Variants in IL6ST observed in about 807,000 individuals in gnomAD.
The protein encoded by IL6ST is interleukin 6 cytokine family signal transducer.
Under a neutral mutation model 91.3 loss-of-function variants are expected in IL6ST, and 24 were observed. That is an observed-to-expected ratio of 0.26 (90% CI 0.19 to 0.37). The LOEUF (loss-of-function observed/expected upper bound fraction) is 0.37. Among genes scored for constraint, IL6ST ranks in the 10% least tolerant of loss-of-function variants. IL6ST has a pLI of 1.00. For synonymous variants in IL6ST, 351 were observed against 373.6 expected, an observed-to-expected ratio of 0.94 and a Z score of 0.70; for missense variants, 914 against 1,078.5, an observed-to-expected ratio of 0.85 and a Z score of 2.14.
intron 11 of IL6ST, among the ~76,000 whole-genome samples, chr5:55,953,227 G>A (rs1751751407): frequency 6.6e-6 from 1 of 151,948 alleles, no homozygotes; most frequent in Non-Finnish European, 1.5e-5. Context: ...TACTCATGAA[G>A]TTACATGCTC....
At chr5:55,989,156 G>GAA (rs34291578) in intron 1 of IL6ST, among the ~76,000 whole-genome samples, 19 of 113,690 alleles carry the variant, frequency 1.7e-4, no homozygotes, top group Admixed American at 3.6e-4. Context: ...AAGTCTCGCA[G>GAA]AAAAAAAAAA....
chr5:55,960,661 T>A (rs1752257028), intron 7 of IL6ST, 100 bp from the exon 8 acceptor site: 2 of 1,141,696 alleles, frequency 1.8e-6, no homozygotes, highest in African/African-American at 3.1e-5. Flanking sequence ...ACAGCCTTGC[T>A]CTGTTGCCCA....
At chr5:55,967,671 A>G (rs904541551) in intron 5 of IL6ST, among the ~76,000 whole-genome samples, 4 of 152,106 alleles carry the variant, frequency 2.6e-5, no homozygotes, top group African/African-American at 9.7e-5. Context: ...GATGCCCGCG[A>G]TTCTCTCTTC....
intron 5 of IL6ST, 100 bp downstream of exon 5, chr5:55,968,176 T>C (rs745326692): frequency 1.1e-4 from 116 of 1,070,942 alleles, no homozygotes; most frequent in Non-Finnish European, 1.5e-4. Context: ...ATTAAATGTT[T>C]TAAAATAGCA....
chr5:55,961,477 G>A (rs1263795924), intron 7 of IL6ST, among the ~76,000 whole-genome samples: 4 of 152,274 alleles, frequency 2.6e-5, no homozygotes, highest in Non-Finnish European at 5.9e-5. Context: ...AAGACAGCCG[G>A]CTGGGTGCGG....
intron 14 of IL6ST, among the ~76,000 whole-genome samples, chr5:55,949,724 C>A (rs1197109895): frequency 6.6e-6 from 1 of 152,190 alleles, no homozygotes; most frequent in Admixed American, 6.5e-5. Context: ...CTGACCCTAA[C>A]AGCAAAGCTC....
chr5:55,990,379 A>G lies in IL6ST; in HGVS notation c.-104+4405T>C, dbSNP rs78899559. 1.7e-3 allele frequency among the ~76,000 whole-genome samples: 259 copies of G among 152,208 alleles called. 4 individuals are homozygous for G. In the East Asian group the frequency reaches 0.036, roughly 21 times the overall value. On this transcript the variant is annotated intron_variant, in intron 1 of 16. Transcript: ENST00000381298. ...CATTGTTGACCATCCCTGGTTCTTG[A>G]ATTTCTCCTATATCCTGGTTTCTAT...
At chr5:55,947,000 C>T (rs1296264077) in intron 15 of IL6ST, among the ~76,000 whole-genome samples, 6 of 152,038 alleles carry the variant, frequency 3.9e-5, no homozygotes, top group Non-Finnish European at 7.4e-5. Context: ...GTCAGGAGTT[C>T]GAGACCAGCC....
At chr5:55,944,151 T>C (rs551310738) in intron 15 of IL6ST, among the ~76,000 whole-genome samples, 60 of 152,278 alleles carry the variant, frequency 3.9e-4, no homozygotes, top group African/African-American at 1.4e-3. Flanking sequence ...AAAGACTAAA[T>C]ACTTTCACCT....
In IL6ST at chr5:55,986,040, T is replaced by C. The variant is rs562025701; in HGVS notation, c.-103-3229A>G. ...TACCACCACACTGTCGTGATGACTT[T>C]AGCCTTATAAATCTTGAAATCAATA... On this transcript the variant is annotated intron_variant, in intron 1 of 16. Transcript: ENST00000381298. Among the ~76,000 whole-genome samples the C allele has an allele frequency of 8.1e-4, 124 of 152,370 alleles. 1 individual carries two copies. Among genetic ancestry groups the C allele is most frequent in the Admixed American group, 2.9e-3 (45 of 15,310 alleles).
chr5:55,969,955 C>A, intron 3 of IL6ST, 100 bp from the exon 4 acceptor site: 1 of 667,936 alleles, frequency 1.5e-6, no homozygotes, highest in Non-Finnish European at 2.6e-6. Flanking sequence ...TCAACCGTCA[C>A]TAAAATATCC....
chr5:55,956,054 A>G lies in IL6ST; in HGVS notation c.1238T>C (p.Val413Ala). The G allele has an allele frequency of 1.2e-6, 2 of 1,613,606 alleles. No individual in the cohort carries two copies. The highest frequency in any genetic ancestry group is 1.7e-6 in the Non-Finnish European group (2 of 1,179,590). The change falls in exon 10 of 17, where the codon GTT becomes GCT. Residue 413 changes from valine (V) to alanine (A), a missense_variant. Val to Ala is a moderately conservative substitution (Grantham distance 64). Coordinates refer to ENST00000381298, the MANE Select transcript of IL6ST (RefSeq NM_002184.4). ...AAAGTCACAGGCAGGGATAGTTAAAACAGCTGCATCTGATTTGCCAACAAG... is the reference window on the plus strand; with the variant it reads ...AAAGTCACAGGCAGGGATAGTTAAAGCAGCTGCATCTGATTTGCCAACAAG... ...RNLVGKSDAA[V>A]LTIPACDFQA... is the part of the protein sequence containing the mutation.
chr5:55,953,439 G>T (rs752960167), intron 11 of IL6ST, among the ~76,000 whole-genome samples: 1 of 152,182 alleles, frequency 6.6e-6, no homozygotes, highest in Non-Finnish European at 1.5e-5. Context: ...GTTCAGGCTG[G>T]AGTGCAATGG....
chr5:55,977,115 T>C (rs1333227888), intron 2 of IL6ST, among the ~76,000 whole-genome samples: 1 of 151,966 alleles, frequency 6.6e-6, no homozygotes, highest in African/African-American at 2.4e-5. Flanking sequence ...TAGAGACATA[T>C]AATAGAATAC....
chr5:55,964,106 A>G (rs1752497305), intron 6 of IL6ST, 40 bp downstream of exon 6: 1 of 1,072,904 alleles, frequency 9.3e-7, no homozygotes, highest in South Asian at 1.9e-5. Flanking sequence ...GTAAACGACT[A>G]CAGTGTCAAA....
chr5:55,962,118 C>T (rs192253289), intron 7 of IL6ST, among the ~76,000 whole-genome samples: 28 of 152,326 alleles, frequency 1.8e-4, no homozygotes, highest in East Asian at 5.8e-4. Context: ...AAATAAACAT[C>T]AGTCTTTTTT....
chr5:55,943,787 C>CGGCT (rs1255625179), intron 15 of IL6ST, among the ~76,000 whole-genome samples: 2 of 152,056 alleles, frequency 1.3e-5, no homozygotes, highest in Non-Finnish European at 2.9e-5. Flanking sequence ...AAACACAAAG[C>CGGCT]GGCTGGGCGC....
chr5:55,941,870 G>A (rs756800997), intron 16 of IL6ST, 51 bp from the exon 17 acceptor site: 1 of 1,472,342 alleles, frequency 6.8e-7, no homozygotes. Context: ...AAGCCACAGA[G>A]CTAATGCATC....
intron 2 of IL6ST, among the ~76,000 whole-genome samples, chr5:55,977,845 C>T (rs2111869219): frequency 6.6e-6 from 1 of 151,946 alleles, no homozygotes; most frequent in East Asian, 1.9e-4. Flanking sequence ...CACACACACA[C>T]ACACACGCCA....
Sources: gnomAD v4.1 joint callset for allele counts (sites outside exome capture counted in the v4.1 genomes callset) on GRCh38, gnomAD v4.1.1 for gene constraint, MANE v1.5 for transcripts, NCBI Gene and HGNC (gene_info 2026-07-23, HGNC 2026-07-21) for gene names.